GRB10: variants seen among roughly 807,000 people sequenced by gnomAD.
GRB10 encodes the protein growth factor receptor-bound protein 10.
A neutral mutation model predicts 80.9 loss-of-function variants in GRB10; 20 were observed. The observed-to-expected ratio is 0.25, with a 90% confidence interval of 0.17 to 0.36. GRB10 has a LOEUF of 0.36. Ranked by LOEUF, GRB10 falls within the 10% of genes least tolerant of loss-of-function variation. The pLI is 1.00. For missense variants in GRB10, 548 were observed against 747.7 expected, an observed-to-expected ratio of 0.73 and a Z score of 3.12; for synonymous variants, 291 against 291.5, an observed-to-expected ratio of 1.00 and a Z score of 0.02.
intron 4 of GRB10, among the ~76,000 whole-genome samples, chr7:50,707,021 T>G (rs1563529409): frequency 6.6e-6 from 1 of 152,246 alleles, no homozygotes; most frequent in East Asian, 1.9e-4. Flanking sequence ...TTTTCCCACT[T>G]TGCATGTCTT....
intron 1 of GRB10, among the ~76,000 whole-genome samples, chr7:50,781,671 A>G (rs944192731): frequency 1.3e-5 from 2 of 152,194 alleles, no homozygotes; most frequent in Non-Finnish European, 2.9e-5. Context: ...CCTGGCAGGG[A>G]CTGTACCATC....
At chr7:50,684,246 C>A in intron 5 of GRB10, among the ~76,000 whole-genome samples, 1 of 96,662 alleles carries the variant, frequency 1.0e-5, no homozygotes. Context: ...GGCGGCCAGA[C>A]AACTGCAACT....
chr7:50,704,023 CACTT>C (rs1000284742), intron 4 of GRB10, 115 bp from the exon 5 acceptor site: 2 of 705,944 alleles, frequency 2.8e-6, no homozygotes, highest in African/African-American at 3.5e-5. Context: ...ACTTCCTTTC[CACTT>C]ACTTACTTTT....
chr7:50,746,916 G>T (rs997343432), intron 3 of GRB10, among the ~76,000 whole-genome samples: 3 of 152,152 alleles, frequency 2.0e-5, no homozygotes, highest in African/African-American at 7.2e-5. Context: ...ACATTTGTGT[G>T]CATTTCCCAC....
intron 3 of GRB10, among the ~76,000 whole-genome samples, chr7:50,750,814 C>A (rs965038887): frequency 8.5e-5 from 13 of 152,338 alleles, no homozygotes; most frequent in African/African-American, 3.1e-4. Context: ...CCCTAAGTCT[C>A]AGCATCAAGC....
At chr7:50,744,291 G>A (rs536563658) in intron 3 of GRB10, among the ~76,000 whole-genome samples, 2 of 152,176 alleles carry the variant, frequency 1.3e-5, no homozygotes, top group Non-Finnish European at 2.9e-5. Flanking sequence ...GGCAGGGAGG[G>A]AGCAGTATCA....
intron 5 of GRB10, among the ~76,000 whole-genome samples, chr7:50,681,965 T>C (rs1264163776): frequency 6.6e-6 from 1 of 152,182 alleles, no homozygotes; most frequent in Non-Finnish European, 1.5e-5. Context: ...GAGCCCCGGG[T>C]TGATGAATCC....
chr7:50,765,204 T>TA (rs1282668025), intron 2 of GRB10, among the ~76,000 whole-genome samples: 1 of 152,230 alleles, frequency 6.6e-6, no homozygotes, highest in Non-Finnish European at 1.5e-5. Context: ...GGGGACCCCC[T>TA]ATACTCTGCC....
intron 4 of GRB10, among the ~76,000 whole-genome samples, chr7:50,710,447 A>C (rs1421018131): frequency 6.6e-6 from 1 of 152,172 alleles, no homozygotes; most frequent in Admixed American, 6.5e-5. Context: ...CATCAAATGC[A>C]CTCTTGCCTC....
intron 2 of GRB10, among the ~76,000 whole-genome samples, chr7:50,777,429 T>TATACACACACACACAC (rs1554316306): frequency 4.1e-5 from 6 of 146,160 alleles, no homozygotes; most frequent in African/African-American, 7.6e-5. Context: ...GCAATCTGTA[T>TATACACACACACACAC]ACACACACAC....
intron 7 of GRB10, among the ~76,000 whole-genome samples, chr7:50,649,938 G>T (rs4641012): frequency 0.059 from 8,930 of 152,236 alleles, 909 homozygotes; most frequent in African/African-American, 0.2. Context: ...TGAAGACGGA[G>T]GGTACCTTTC....
In GRB10 at chr7:50,624,363, C is replaced by T. The variant is rs565501176; in HGVS notation, c.661+2459G>A. Reference sequence around the variant, plus strand: ...TTGCGGCCCTTGCGTCCCTTTCCAACGGGGATAAAGCTGAGATACTCAACA... The same window carrying T: ...TTGCGGCCCTTGCGTCCCTTTCCAATGGGGATAAAGCTGAGATACTCAACA... On this transcript the variant is annotated intron_variant, in intron 8 of 18. Transcript: ENST00000401949. Among the ~76,000 whole-genome samples, 407 of 152,330 alleles carry T rather than the reference C, an allele frequency of 2.7e-3. 2 individuals carry two copies. The highest frequency in any genetic ancestry group is 5.0e-3 in the Non-Finnish European group (341 of 68,044).
intron 7 of GRB10, among the ~76,000 whole-genome samples, chr7:50,666,695 C>A (rs1417095692): frequency 6.6e-6 from 1 of 152,112 alleles, no homozygotes; most frequent in Non-Finnish European, 1.5e-5. Context: ...CTCTGGACAC[C>A]AGCATCTGAT....
Position 50,627,324 on chromosome 7 carries a change from A to G in GRB10, c.505-346T>C, listed in dbSNP as rs114246861. On this transcript the variant is annotated intron_variant, in intron 7 of 18. Coordinates refer to ENST00000401949, the MANE Select transcript of GRB10 (RefSeq NM_001350814.2). ...CATTTAAAATACGCTGGTGGTCTCC[A>G]GGTTGGACATTTTACAGTTGAACCA... 3.8e-3 allele frequency among the ~76,000 whole-genome samples: 577 copies of G among 152,348 alleles called. 3 individuals are homozygous for G. The highest frequency in any genetic ancestry group is 0.013 in the African/African-American group (557 of 41,570).
intron 2 of GRB10, among the ~76,000 whole-genome samples, chr7:50,763,383 G>T (rs149834045): frequency 3.3e-5 from 5 of 152,296 alleles, no homozygotes; most frequent in Admixed American, 6.5e-5. Context: ...GTTGAGGATG[G>T]CTGAACAGCA....
At chr7:50,694,610 T>G (rs2063220023) in intron 5 of GRB10, among the ~76,000 whole-genome samples, 1 of 152,112 alleles carries the variant, frequency 6.6e-6, no homozygotes, top group African/African-American at 2.4e-5. Context: ...CTGTGGTGTG[T>G]GCAGCCACTC....
intron 2 of GRB10, among the ~76,000 whole-genome samples, chr7:50,756,751 C>T (rs1432335607): frequency 1.3e-5 from 2 of 152,210 alleles, no homozygotes; most frequent in African/African-American, 2.4e-5. Flanking sequence ...CTGGGCAACT[C>T]ACTGGTCTTC....
chr7:50,646,518 T>C (rs1207597412), intron 7 of GRB10, among the ~76,000 whole-genome samples: 1 of 152,250 alleles, frequency 6.6e-6, no homozygotes, highest in Non-Finnish European at 1.5e-5. Flanking sequence ...TTACTATGAA[T>C]GTTACTTTTA....
At chr7:50,641,197 C>T (rs557412956) in intron 7 of GRB10, among the ~76,000 whole-genome samples, 4 of 151,602 alleles carry the variant, frequency 2.6e-5, no homozygotes, top group Non-Finnish European at 4.4e-5. Context: ...TCCACCTGTT[C>T]GTCTGTTCGA....
Sources: gnomAD v4.1 joint callset for allele counts (sites outside exome capture counted in the v4.1 genomes callset) on GRCh38, gnomAD v4.1.1 for gene constraint, MANE v1.5 for transcripts, NCBI Gene and HGNC (gene_info 2026-07-23, HGNC 2026-07-21) for gene names.